The following CRTAC1 variants were observed in gnomAD, a reference collection of about 807,000 sequenced individuals.
The protein encoded by CRTAC1 is cartilage acidic protein 1.
A neutral mutation model predicts 67.8 loss-of-function variants in CRTAC1; 37 were observed. The observed-to-expected ratio is 0.55, with a 90% CI of 0.42 to 0.72. CRTAC1 has a LOEUF of 0.72. Among genes scored for constraint, CRTAC1 ranks in the 30% least tolerant of loss-of-function variants. The probability of loss-of-function intolerance (pLI) is 0.00; values close to 1 mark genes in which losing one functional copy is unlikely to be tolerated. For missense variants in CRTAC1, 780 were observed against 931.6 expected, an observed-to-expected ratio of 0.84 and a Z score of 2.12; for synonymous variants, 348 against 371.0, an observed-to-expected ratio of 0.94 and a Z score of 0.71.
At chr10:97,904,164 G>A (rs1042921648) in intron 7 of CRTAC1, among the ~76,000 whole-genome samples, 1 of 151,972 alleles carries the variant, frequency 6.6e-6, no homozygotes, top group Non-Finnish European at 1.5e-5. Flanking sequence ...GGCCCACCTC[G>A]GAGGCTGCTC....
chr10:97,985,528 C>T (rs1440134805), intron 2 of CRTAC1, among the ~76,000 whole-genome samples: 1 of 152,140 alleles, frequency 6.6e-6, no homozygotes, highest in East Asian at 1.9e-4. Flanking sequence ...GCTCTTCCTG[C>T]TTGCGGTATG....
In CRTAC1 at chr10:98,029,954, G is replaced by T. The variant is rs545252551; in HGVS notation, c.24+495C>A. ...CTGTGCCCGGGAACTCGGCTTCCCA[G>T]GGGAGGAAGAGCCAGCCCGCGGGGC... is the stretch of plus-strand genomic sequence containing the variant. On this transcript the variant is annotated intron_variant, in intron 1 of 14. Coordinates refer to ENST00000370597, the MANE Select transcript of CRTAC1 (RefSeq NM_018058.7). The surrounding 1 kb of genome is among the most constrained non-coding windows in gnomAD (Gnocchi z 4.7). Among the ~76,000 whole-genome samples the T allele has an allele frequency of 4.2e-4, 64 of 152,284 alleles. No individual in the cohort carries two copies. The highest frequency in any genetic ancestry group is 1.4e-3 in the African/African-American group (60 of 41,578).
intron 14 of CRTAC1, among the ~76,000 whole-genome samples, chr10:97,878,037 C>A (rs1215565013): frequency 6.6e-6 from 1 of 152,216 alleles, no homozygotes; most frequent in African/African-American, 2.4e-5. Context: ...CCACTTTGTT[C>A]ATTTTTTAAA....
intron 2 of CRTAC1, among the ~76,000 whole-genome samples, chr10:98,002,768 T>C (rs1842715977): frequency 1.1e-5 from 1 of 88,964 alleles, no homozygotes; most frequent in Non-Finnish European, 2.2e-5. Flanking sequence ...TCACTTTTTT[T>C]TTTTTTTTTT....
At chr10:97,915,320 C>T (rs973049037) in intron 5 of CRTAC1, among the ~76,000 whole-genome samples, 2 of 152,236 alleles carry the variant, frequency 1.3e-5, no homozygotes, top group African/African-American at 4.8e-5. Flanking sequence ...CTACCAACCT[C>T]CTGTGTGACC....
chr10:97,974,615 G>C (rs1384611509), intron 2 of CRTAC1, among the ~76,000 whole-genome samples: 5 of 152,124 alleles, frequency 3.3e-5, no homozygotes, highest in Admixed American at 1.3e-4. Context: ...CTCCAGGGCC[G>C]TTTAACTCCT....
At chr10:97,876,244 T>A (rs2050145950) in intron 14 of CRTAC1, among the ~76,000 whole-genome samples, 1 of 152,190 alleles carries the variant, frequency 6.6e-6, no homozygotes, top group African/African-American at 2.4e-5. Flanking sequence ...CTGTCTGGGC[T>A]GTATGACCCT....
intron 2 of CRTAC1, among the ~76,000 whole-genome samples, chr10:97,949,973 CA>C (rs937424285): frequency 4.6e-5 from 7 of 152,222 alleles, no homozygotes; most frequent in African/African-American, 1.7e-4. Context: ...AATGGGAGCT[CA>C]AAAAATATTT....
chr10:98,009,117 A>G (rs1842857009), intron 2 of CRTAC1, among the ~76,000 whole-genome samples: 2 of 152,314 alleles, frequency 1.3e-5, no homozygotes, highest in South Asian at 4.1e-4. Context: ...CGTCATTACA[A>G]TGATTCCATT....
intron 2 of CRTAC1, among the ~76,000 whole-genome samples, chr10:97,985,533 G>A (rs547631519): frequency 7.2e-5 from 11 of 152,192 alleles, no homozygotes; most frequent in South Asian, 2.1e-4. Flanking sequence ...TCCTGCTTGC[G>A]GTATGCCTGC....
At chr10:97,875,212 T>C (rs1258605732) in intron 14 of CRTAC1, among the ~76,000 whole-genome samples, 2 of 152,248 alleles carry the variant, frequency 1.3e-5, no homozygotes, top group African/African-American at 4.8e-5. Flanking sequence ...CTTTGTGTAA[T>C]TTACTGTTTC....
chr10:98,005,864 A>C (rs1410784617), intron 2 of CRTAC1, among the ~76,000 whole-genome samples: 1 of 152,228 alleles, frequency 6.6e-6, no homozygotes, highest in African/African-American at 2.4e-5. Flanking sequence ...AATTCAATTA[A>C]CTTTAGTAAA....
At chr10:97,959,394 C>A (rs1483448734) in intron 2 of CRTAC1, among the ~76,000 whole-genome samples, 2 of 152,156 alleles carry the variant, frequency 1.3e-5, no homozygotes, top group Non-Finnish European at 2.9e-5. Flanking sequence ...GGCACATGCA[C>A]CTGAATGTGT....
At chr10:97,973,460 C>T in intron 2 of CRTAC1, among the ~76,000 whole-genome samples, 1 of 151,804 alleles carries the variant, frequency 6.6e-6, no homozygotes, top group Non-Finnish European at 1.5e-5. Context: ...CTGGACTCCT[C>T]TGTGGGGACT....
At position 97,865,969 on chromosome 10, in the gene CRTAC1, T is replaced by A. The variant is rs2050018705; in HGVS notation, c.1820-255A>T. 6.4e-6 allele frequency: 3 copies of A among 471,050 alleles called. No homozygotes were observed. In the South Asian group the frequency reaches 1.6e-4, roughly 26 times the overall value. The allele number at this position is 471,050 out of a possible 1,614,324, so 29.2% of individuals were successfully genotyped here. A position where few individuals can be genotyped will look rare whatever the true frequency, so the allele number is the denominator to read the frequency against. On this transcript the variant is annotated intron_variant, in intron 14 of 14. Transcript: ENST00000370597. ...GGTCTGGGCCACACAGAGACAGATC[T>A]TCCTAGGAAGGCTGGGGTGGGGAGA... is the stretch of plus-strand genomic sequence containing the variant.
intron 14 of CRTAC1, chr10:97,870,406 C>A (rs962897486): frequency 6.6e-6 from 1 of 152,120 alleles, no homozygotes; most frequent in Admixed American, 6.5e-5. Flanking sequence ...AGGCCAAACT[C>A]GCCTTTGATT....
intron 2 of CRTAC1, among the ~76,000 whole-genome samples, chr10:97,944,272 A>T (rs1332607154): frequency 6.6e-6 from 1 of 152,278 alleles, no homozygotes; most frequent in East Asian, 1.9e-4. Flanking sequence ...TACTAAAAAA[A>T]ATACAAAAAT....
At chr10:97,887,591 G>A (rs1183279911) in intron 11 of CRTAC1, among the ~76,000 whole-genome samples, 5 of 152,202 alleles carry the variant, frequency 3.3e-5, no homozygotes, top group Non-Finnish European at 5.9e-5. Flanking sequence ...AGACCCAGAC[G>A]TGGTGCAGGG....
intron 2 of CRTAC1, among the ~76,000 whole-genome samples, chr10:97,987,403 C>A (rs1028129746): frequency 1.3e-5 from 2 of 152,204 alleles, no homozygotes; most frequent in African/African-American, 4.8e-5. Flanking sequence ...TCTTGGAAAT[C>A]TAGCTGGTGT....
Sources: gnomAD v4.1 joint callset for allele counts (sites outside exome capture counted in the v4.1 genomes callset) on GRCh38, gnomAD v4.1.1 for gene constraint, Gnocchi (gnomAD v3.1) non-coding constraint, MANE v1.5 for transcripts, NCBI Gene and HGNC (gene_info 2026-07-23, HGNC 2026-07-21) for gene names.